Variants in ANKRA2 observed in about 807,000 individuals in gnomAD.
The protein encoded by ANKRA2 is ankyrin repeat family A protein 2.
Under a neutral mutation model 37.8 loss-of-function variants are expected in ANKRA2, and 33 were observed. The ratio of observed to expected loss-of-function variants is 0.87; its 90% CI spans 0.66 to 1.17. The LOEUF is 1.17. ANKRA2 is among the 50% of genes most tolerant of loss of function. The pLI, the probability that ANKRA2 is intolerant of heterozygous loss-of-function variation, is 0.00. For synonymous variants in ANKRA2, 126 were observed against 132.3 expected (o/e 0.95, Z 0.33); for missense variants, 326 against 373.7 (o/e 0.87, Z 1.05).
chr5:73,559,924 A>T (rs946916285), intron 3 of ANKRA2, among the ~76,000 whole-genome samples: 2 of 151,894 alleles, frequency 1.3e-5, no homozygotes, highest in African/African-American at 4.8e-5. Flanking sequence ...ACACCTAGCT[A>T]ATTAAAAAAA....
rs139710939 is a variant in ANKRA2, at chr5:73,561,624, G to A, written c.290-336C>T. Among the ~76,000 whole-genome samples, 1,520 of 152,036 alleles carry A rather than the reference G, an allele frequency of 1.0e-2. 22 individuals are homozygous for A. The highest frequency in any genetic ancestry group is 0.035 in the African/African-American group (1,458 of 41,494). The stretch of plus-strand genomic sequence containing the variant: ...CTACTAAAAATACAAAAAATTAGCC[G>A]GGCTTGGTGGCAAACGCCTGTAATC... On this transcript the variant is annotated intron_variant, in intron 2 of 8. Coordinates refer to ENST00000296785, the MANE Select transcript of ANKRA2 (RefSeq NM_023039.5).
intron 1 of ANKRA2, among the ~76,000 whole-genome samples, chr5:73,563,403 C>T (rs1747607768): frequency 1.3e-5 from 2 of 152,198 alleles, no homozygotes; most frequent in South Asian, 4.1e-4. Context: ...AAACTTTAAT[C>T]TCTTACCTAA....
rs1747360301 is a variant in ANKRA2 at position 73,554,992 on chromosome 5, A to G, written c.613-6T>C. On this transcript the variant is annotated splice_polypyrimidine_tract_variant and splice_region_variant and intron_variant, in intron 5 of 8. Transcript: ENST00000296785. ...AAAAGTTGGGGATCAGCACCCTGGT[A>G]TGGGAAGTAGAGATAAAAGACTTCT... 1.2e-6 allele frequency: 2 copies of G among 1,607,204 alleles called. No homozygotes were observed. The highest frequency in any genetic ancestry group is 1.3e-5 in the African/African-American group (1 of 74,406).
intron 2 of ANKRA2, 65 bp from the exon 3 acceptor site, chr5:73,561,353 C>G: frequency 6.9e-7 from 1 of 1,458,786 alleles, no homozygotes; most frequent in Non-Finnish European, 9.4e-7. Context: ...TCAATGTCTA[C>G]ATTTGAAAAG....
chr5:73,557,978 G>A (rs974285589), intron 3 of ANKRA2, among the ~76,000 whole-genome samples: 1 of 152,100 alleles, frequency 6.6e-6, no homozygotes, highest in African/African-American at 2.4e-5. Flanking sequence ...TTGGGAGGCT[G>A]AGGCTGGGGA....
rs376201349 is a variant in ANKRA2 at position 73,561,292 on chromosome 5, A to G, written c.290-4T>C. 1 of 1,611,094 alleles carries G rather than the reference A, an allele frequency of 6.2e-7. No individual in the cohort carries two copies. On this transcript the variant is annotated splice_polypyrimidine_tract_variant and splice_region_variant and intron_variant, in intron 2 of 8. Transcript: ENST00000296785. ...GATGTATGGATATTGCATTCAGCTA[A>G]GTGAAAAACAAATGTAAACACATTA...
rs1747516224 is a variant in ANKRA2 at position 73,560,399 on chromosome 5, C to T, written c.448+731G>A. ...TTTTTGAGACAGGGTCTCACTCTGT[C>T]ACCCAGGCTGGAGTGCAATGGTGCT... On this transcript the variant is annotated intron_variant, in intron 3 of 8. Coordinates refer to ENST00000296785, the MANE Select transcript of ANKRA2 (RefSeq NM_023039.5). 2.6e-5 allele frequency among the ~76,000 whole-genome samples: 4 copies of T among 152,094 alleles called. No homozygotes were observed. The South Asian group carries it at 8.3e-4, about 32-fold the overall frequency.
At chr5:73,561,062 GT>G in intron 3 of ANKRA2, 67 bp downstream of exon 3, 1 of 1,428,562 alleles carries the variant, frequency 7.0e-7, no homozygotes, top group Non-Finnish European at 9.6e-7. Context: ...ATGAAATAAT[GT>G]TTTAAAGTCA....
At chr5:73,557,304 T>C (rs902252354) in intron 4 of ANKRA2, 2 of 242,138 alleles carry the variant, frequency 8.3e-6, no homozygotes, top group East Asian at 8.5e-5. Context: ...ATCCGAAACA[T>C]AAATAGAAAT....
rs867089742 is a variant in ANKRA2, at chr5:73,561,181, T to C, written c.397A>G (p.Thr133Ala). The change falls in exon 3 of 9, where the codon ACC becomes GCC. Residue 133 changes from threonine (T) to alanine (A), a missense_variant. Thr to Ala is a moderately conservative substitution (Grantham distance 58, BLOSUM62 0). Around this residue, in one of 3 missense-constraint regions of ANKRA2, gnomAD observed 228 missense variants for 260.2 expected, o/e 0.88. Coordinates refer to ENST00000296785, the MANE Select transcript of ANKRA2 (RefSeq NM_023039.5). ...FSPIKQSTTL[T>A]NKHRGNEVST... Reference sequence around the variant, plus strand: ...ACCTCATTTCCTCTGTGTTTGTTGGTTAAAGTGGTTGACTGTTTTATGGGT... The same window carrying C: ...ACCTCATTTCCTCTGTGTTTGTTGGCTAAAGTGGTTGACTGTTTTATGGGT... 1 of 1,614,116 alleles carries C rather than the reference T, an allele frequency of 6.2e-7. No homozygotes were observed. The highest frequency in any genetic ancestry group is 8.5e-7 in the Non-Finnish European group (1 of 1,179,990).
intron 4 of ANKRA2, among the ~76,000 whole-genome samples, chr5:73,556,136 CATA>C (rs1747393089): frequency 1.3e-5 from 2 of 152,186 alleles, no homozygotes; most frequent in Admixed American, 6.6e-5. Context: ...GGTTTGCTAA[CATA>C]ATGTTATGTG....
At chr5:73,562,527 T>C in intron 2 of ANKRA2, 66 bp downstream of exon 2, 1 of 1,436,878 alleles carries the variant, frequency 7.0e-7, no homozygotes, top group South Asian at 1.5e-5. Flanking sequence ...AATCTCATGA[T>C]TGGGAAAATA....
At chr5:73,557,530 T>C (rs946571327) in intron 4 of ANKRA2, 45 bp downstream of exon 4, 5 of 1,309,382 alleles carry the variant, frequency 3.8e-6, no homozygotes, top group Non-Finnish European at 5.2e-6. Flanking sequence ...ACAAATCTAA[T>C]AAATCCTATT....
chr5:73,559,197 G>A (rs1747479438), intron 3 of ANKRA2, among the ~76,000 whole-genome samples: 1 of 152,196 alleles, frequency 6.6e-6, no homozygotes, highest in South Asian at 2.1e-4. Flanking sequence ...AGTTGGTACA[G>A]TATGTGACTC....
intron 4 of ANKRA2, among the ~76,000 whole-genome samples, chr5:73,555,848 A>G (rs1747386387): frequency 6.6e-6 from 1 of 152,224 alleles, no homozygotes; most frequent in Non-Finnish European, 1.5e-5. Flanking sequence ...TGTCGGGTAC[A>G]AGGCAGTCAA....
In ANKRA2 at chr5:73,553,534, T is replaced by C. The variant is rs201470019; in HGVS notation, c.806-48A>G. ...CATAAATGAAATGAAAATGCAGATA[T>C]GTTTGTCTGTTATTGGCTCATGTAC... On this transcript the variant is annotated intron_variant, in intron 7 of 8. Coordinates refer to ENST00000296785, the MANE Select transcript of ANKRA2 (RefSeq NM_023039.5). 7.7e-5 allele frequency: 114 copies of C among 1,473,376 alleles called. 2 individuals carry two copies. The highest frequency in any genetic ancestry group is 1.0e-4 in the Admixed American group (6 of 58,906). 91.3% of individuals were successfully genotyped at this position (1,473,376 alleles called of 1,614,324 possible). A position where few individuals can be genotyped will look rare whatever the true frequency, so the allele number is the denominator to read the frequency against.
chr5:73,561,158 C>A lies in ANKRA2; in HGVS notation c.420G>T (p.Glu140Asp), dbSNP rs776241506. The A allele has an allele frequency of 3.7e-6, 6 of 1,613,512 alleles. No homozygotes were observed. Among genetic ancestry groups the A allele is most frequent in the Non-Finnish European group, 4.2e-6 (5 of 1,179,836 alleles). The change falls in exon 3 of 9, where the codon GAG becomes GAT. Residue 140 changes from glutamate to aspartate, a missense_variant. Physicochemically the swap from Glu to Asp is conservative, Grantham distance 45. Coordinates refer to ENST00000296785, the MANE Select transcript of ANKRA2 (RefSeq NM_023039.5). ...TTLTNKHRGN[E>D]VSTTPLLANS... ...TTGCTAACAGAGGTGTGGTAGAGACCTCATTTCCTCTGTGTTTGTTGGTTA... is the reference window on the plus strand; with the variant it reads ...TTGCTAACAGAGGTGTGGTAGAGACATCATTTCCTCTGTGTTTGTTGGTTA...
intron 5 of ANKRA2, chr5:73,555,203 G>A (rs1217868199): frequency 2.2e-6 from 3 of 1,371,450 alleles, no homozygotes; most frequent in African/African-American, 1.5e-5. Flanking sequence ...CTTTCACTCT[G>A]GAGTCAAGTC....
Position 73,557,395 on chromosome 5 carries a change from T to G in ANKRA2, c.514+180A>C, listed in dbSNP as rs1033081692. On this transcript the variant is annotated intron_variant, in intron 4 of 8. Transcript: ENST00000296785. Reference sequence around the variant, plus strand: ...AAAAGGCAACGGTGGTAAAGGAACTTTTACGCTTTATATTCCTTTTTTTTT... The same window carrying G: ...AAAAGGCAACGGTGGTAAAGGAACTGTTACGCTTTATATTCCTTTTTTTTT... The G allele has an allele frequency of 4.8e-5, 18 of 377,254 alleles. No homozygotes were observed. In the Middle Eastern group the frequency reaches 2.2e-3, roughly 46 times the overall value. 23.4% of individuals were successfully genotyped at this position (377,254 alleles called of 1,614,324 possible). A position where few individuals can be genotyped will look rare whatever the true frequency, so the allele number is the denominator to read the frequency against.
Sources: gnomAD v4.1 joint callset for allele counts (sites outside exome capture counted in the v4.1 genomes callset) on GRCh38, gnomAD v4.1.1 for gene constraint, gnomAD v4.1.1 regional missense constraint, MANE v1.5 for transcripts, NCBI Gene and HGNC (gene_info 2026-07-23, HGNC 2026-07-21) for gene names.